UBAP1: variants seen among roughly 807,000 people sequenced by gnomAD.
The protein encoded by UBAP1 is ubiquitin associated protein 1.
In UBAP1, 5 loss-of-function variants were observed where a neutral mutation model predicts 39.0. The ratio of observed to expected loss-of-function variants is 0.13; its 90% CI spans 0.07 to 0.27. The LOEUF is 0.27. Among genes scored for constraint, UBAP1 ranks in the 10% least tolerant of loss-of-function variants. The pLI is 1.00. For missense variants in UBAP1, 490 were observed against 608.1 expected (o/e 0.81, Z 2.04); for synonymous variants, 211 against 225.1 (o/e 0.94, Z 0.56).
chr9:34,210,765 T>C (rs966838752), intron 1 of UBAP1, among the ~76,000 whole-genome samples: 1 of 151,362 alleles, frequency 6.6e-6, no homozygotes, highest in African/African-American at 2.4e-5. Flanking sequence ...TCTATAGGTA[T>C]ACTAGTTTAC....
At chr9:34,190,324 CTG>C (rs1373009727) in intron 1 of UBAP1, among the ~76,000 whole-genome samples, 2 of 152,172 alleles carry the variant, frequency 1.3e-5, no homozygotes, top group Non-Finnish European at 2.9e-5. Context: ...GAGTCCCACT[CTG>C]TCACCCAGAC....
intron 1 of UBAP1, among the ~76,000 whole-genome samples, chr9:34,182,639 C>CTTTCTT (rs1830120487): frequency 3.2e-5 from 2 of 62,562 alleles, no homozygotes; most frequent in Admixed American, 4.0e-4. Context: ...TTCTTTCTTT[C>CTTTCTT]TTTCTTTCTT....
chr9:34,195,849 G>A (rs1359820475), intron 1 of UBAP1, among the ~76,000 whole-genome samples: 3 of 149,232 alleles, frequency 2.0e-5, no homozygotes, highest in Non-Finnish European at 3.0e-5. Context: ...CACCTGCCTC[G>A]GCTTCCCAAA....
At chr9:34,243,051 A>G (rs146915002) in intron 4 of UBAP1, among the ~76,000 whole-genome samples, 83 of 152,224 alleles carry the variant, frequency 5.5e-4, no homozygotes, top group African/African-American at 1.9e-3. Context: ...GCTGCTTGTA[A>G]ACTTCCATAA....
In UBAP1 at chr9:34,241,227, G is replaced by C. The variant is rs1026949876; in HGVS notation, c.202G>C (p.Glu68Gln). ...LEKKTIEWAE[E>Q]IKKIEEAERE... ...AAAGAAAACCATTGAGTGGGCTGAAGAGATTAAGAAAATCGAAGAAGCCGA... is the reference window on the plus strand; with the variant it reads ...AAAGAAAACCATTGAGTGGGCTGAACAGATTAAGAAAATCGAAGAAGCCGA... Residue 68 changes from glutamate (E) to glutamine (Q), a missense_variant, in exon 4 of 7, where the codon GAG becomes CAG. Around this residue, in one of 3 missense-constraint regions of UBAP1, gnomAD observed 144 missense variants for 184.4 expected, o/e 0.78. Coordinates refer to ENST00000297661, the MANE Select transcript of UBAP1 (RefSeq NM_016525.5). 4.0e-6 allele frequency: 6 copies of C among 1,497,950 alleles called. No homozygotes were observed. The African/African-American group carries it at 7.0e-5, about 17-fold the overall frequency. 92.8% of individuals were successfully genotyped at this position (1,497,950 alleles called of 1,614,324 possible).
At chr9:34,240,185 G>T (rs770544753) in intron 3 of UBAP1, among the ~76,000 whole-genome samples, 2 of 152,170 alleles carry the variant, frequency 1.3e-5, no homozygotes, top group Admixed American at 1.3e-4. Flanking sequence ...AGGAAGCCCA[G>T]TGATCCCCCC....
chr9:34,230,305 C>G (rs1833341273), intron 2 of UBAP1, among the ~76,000 whole-genome samples: 1 of 152,202 alleles, frequency 6.6e-6, no homozygotes, highest in African/African-American at 2.4e-5. Context: ...ACCTCATGAT[C>G]CGCCTGCCTT....
chr9:34,185,918 G>C (rs988996789), intron 1 of UBAP1, among the ~76,000 whole-genome samples: 1 of 152,182 alleles, frequency 6.6e-6, no homozygotes, highest in African/African-American at 2.4e-5. Flanking sequence ...TGTGTTATGC[G>C]TGCTTTTTAT....
chr9:34,208,510 G>A (rs1454832610), intron 1 of UBAP1, among the ~76,000 whole-genome samples: 1 of 152,096 alleles, frequency 6.6e-6, no homozygotes, highest in Non-Finnish European at 1.5e-5. Flanking sequence ...GGGCGCGGTG[G>A]CTCACGCCTG....
intron 1 of UBAP1, among the ~76,000 whole-genome samples, chr9:34,209,460 G>A (rs1831898451): frequency 6.6e-6 from 1 of 152,098 alleles, no homozygotes; most frequent in Admixed American, 6.5e-5. Context: ...TGCCTTTTGA[G>A]TGGTAATGCT....
At chr9:34,198,700 C>G (rs1447231864) in intron 1 of UBAP1, among the ~76,000 whole-genome samples, 1 of 152,132 alleles carries the variant, frequency 6.6e-6, no homozygotes, top group Non-Finnish European at 1.5e-5. Context: ...AGTGGTCTAG[C>G]CCTCCCATTT....
intron 1 of UBAP1, among the ~76,000 whole-genome samples, chr9:34,190,658 G>A (rs1352815164): frequency 7.0e-6 from 1 of 143,540 alleles, no homozygotes; most frequent in Non-Finnish European, 1.5e-5. Context: ...TTTGGAGACA[G>A]GGTCTCGCTC....
chr9:34,226,119 G>GTGTGTGTGTGTGTGTGTGTGTGTGTGTT (rs1563911156), intron 2 of UBAP1, among the ~76,000 whole-genome samples: 1,249 of 97,398 alleles, frequency 0.013, 27 homozygotes, highest in Non-Finnish European at 0.018. Flanking sequence ...GTGTGTGTGT[G>GTGTGTGTGTGTGTGTGTGTGTGTGTGTT]TGTGTGTGTG....
intron 1 of UBAP1, among the ~76,000 whole-genome samples, chr9:34,194,713 G>A (rs1055180660): frequency 2.0e-5 from 3 of 152,170 alleles, no homozygotes; most frequent in Non-Finnish European, 4.4e-5. Context: ...ATTATGCCAT[G>A]TGTTCAGATT....
chr9:34,206,977 A>G (rs1389415408), intron 1 of UBAP1, among the ~76,000 whole-genome samples: 3 of 149,210 alleles, frequency 2.0e-5, no homozygotes, highest in African/African-American at 7.4e-5. Context: ...ATATTTTAAT[A>G]TCTGATAGGC....
At chr9:34,201,435 T>G (rs1446204511) in intron 1 of UBAP1, 1 of 151,586 alleles carries the variant, frequency 6.6e-6, no homozygotes, top group African/African-American at 2.4e-5. Context: ...TCCCAGCTAC[T>G]TGGGATACTG....
chr9:34,242,338 C>T (rs933601303), intron 4 of UBAP1, among the ~76,000 whole-genome samples: 15 of 151,970 alleles, frequency 9.9e-5, no homozygotes, highest in Non-Finnish European at 1.6e-4. Context: ...TGTAGAGATG[C>T]GGTTTTGACA....
At chr9:34,207,048 C>CTTTTTTTTTTTTTTTTTTT (rs34197502) in intron 1 of UBAP1, among the ~76,000 whole-genome samples, 2 of 90,056 alleles carry the variant, frequency 2.2e-5, no homozygotes, top group Non-Finnish European at 4.0e-5. Context: ...ATTGTTATTT[C>CTTTTTTTTTTTTTTTTTTT]TTTTTTTTTT....
intron 3 of UBAP1, among the ~76,000 whole-genome samples, chr9:34,235,895 C>T (rs1388553187): frequency 4.0e-5 from 6 of 150,538 alleles, no homozygotes; most frequent in African/African-American, 7.3e-5. Flanking sequence ...TGCAATGGCG[C>T]GATCTCGTCA....
Sources: gnomAD v4.1 joint callset for allele counts (sites outside exome capture counted in the v4.1 genomes callset) on GRCh38, gnomAD v4.1.1 for gene constraint, gnomAD v4.1.1 regional missense constraint, MANE v1.5 for transcripts, NCBI Gene and HGNC (gene_info 2026-07-23, HGNC 2026-07-21) for gene names.